The following LEF1 variants were observed in gnomAD, a reference collection of about 807,000 sequenced individuals.
The protein encoded by LEF1 is lymphoid enhancer-binding factor 1.
Under a neutral mutation model 51.2 loss-of-function variants are expected in LEF1, and 14 were observed. The ratio of observed to expected loss-of-function variants is 0.27; its 90% CI spans 0.18 to 0.43. LEF1 has a LOEUF of 0.43. LEF1 is among the 20% of genes least tolerant of loss of function. The probability of loss-of-function intolerance (pLI) is 1.00; values close to 1 mark genes in which losing one functional copy is unlikely to be tolerated. For missense variants in LEF1, 386 were observed against 512.0 expected (o/e 0.75, Z 2.37); for synonymous variants, 185 against 183.2 (o/e 1.01, Z -0.08).
At chr4:108,160,433 G>A (rs1744991859) in intron 3 of LEF1, among the ~76,000 whole-genome samples, 2 of 152,042 alleles carry the variant, frequency 1.3e-5, no homozygotes, top group African/African-American at 2.4e-5. Flanking sequence ...ACCAACTCAA[G>A]CCAAAGTTTA....
chr4:108,142,598 T>C (rs1024084895), intron 3 of LEF1, among the ~76,000 whole-genome samples: 7 of 152,220 alleles, frequency 4.6e-5, no homozygotes, highest in Non-Finnish European at 1.0e-4. Context: ...CATTATTACA[T>C]TTAAAATCAA....
At chr4:108,089,070 G>A in intron 4 of LEF1, 55 bp downstream of exon 4, 1 of 1,607,880 alleles carries the variant, frequency 6.2e-7, no homozygotes, top group African/African-American at 1.3e-5. Context: ...AGGCTGATGA[G>A]ATTTGGCTCT....
chr4:108,094,541 C>T (rs569799349), intron 3 of LEF1, among the ~76,000 whole-genome samples: 3 of 152,214 alleles, frequency 2.0e-5, no homozygotes, highest in Non-Finnish European at 4.4e-5. Context: ...CTGGGAAGAA[C>T]TAAAAAGGTG....
rs572857172 is a variant in LEF1, at chr4:108,078,489, G to A, written c.846-107C>T. On this transcript the variant is annotated intron_variant, in intron 7 of 11. Transcript: ENST00000265165. ...TGCTCACATGGCTACACTCAGGATG[G>A]CGACAACCCTCTCACCCCAGACCAC... 1.8e-3 allele frequency: 2,497 copies of A among 1,425,562 alleles called. 1 individual carries two copies. Among genetic ancestry groups the A allele is most frequent in the Admixed American group, 4.2e-3 (247 of 59,252 alleles). The allele number at this position is 1,425,562 out of a possible 1,614,324, so 88.3% of individuals were successfully genotyped here. A position where few individuals can be genotyped will look rare whatever the true frequency, so the allele number is the denominator to read the frequency against.
chr4:108,107,457 T>C (rs1370344499), intron 3 of LEF1, among the ~76,000 whole-genome samples: 1 of 152,122 alleles, frequency 6.6e-6, no homozygotes, highest in African/African-American at 2.4e-5. Flanking sequence ...CCAAAATTTT[T>C]ATCTAGAATA....
intron 11 of LEF1, among the ~76,000 whole-genome samples, chr4:108,053,449 CCCAGAAG>C (rs976578059): frequency 1.1e-4 from 17 of 152,160 alleles, no homozygotes; most frequent in African/African-American, 2.4e-4. Context: ...CAAAAAGATT[CCCAGAAG>C]CTGGAGGTGG....
chr4:108,147,259 TA>T (rs202246676), intron 3 of LEF1, among the ~76,000 whole-genome samples: 99 of 143,312 alleles, frequency 6.9e-4, no homozygotes, highest in Non-Finnish European at 7.1e-4. Context: ...AATAGAAGCC[TA>T]AAAAAAAAAA....
At chr4:108,131,192 T>C (rs1742866631) in intron 3 of LEF1, among the ~76,000 whole-genome samples, 2 of 152,038 alleles carry the variant, frequency 1.3e-5, no homozygotes, top group South Asian at 2.1e-4. Context: ...CCCAGTGCTC[T>C]GGAAGGCCAA....
At chr4:108,149,465 A>AC (rs1744219864) in intron 3 of LEF1, among the ~76,000 whole-genome samples, 1 of 148,434 alleles carries the variant, frequency 6.7e-6, no homozygotes, top group African/African-American at 2.5e-5. Context: ...TCTCAAAAAA[A>AC]AAAAAAAAAA....
chr4:108,047,835 A>C lies in LEF1; in HGVS notation c.*923T>G, dbSNP rs1370590356. The C allele has an allele frequency of 6.5e-6, 1 of 152,676 alleles. No individual in the cohort carries two copies. Among genetic ancestry groups the C allele is most frequent in the Non-Finnish European group, 1.5e-5 (1 of 68,050 alleles). The allele number at this position is 152,676 out of a possible 1,614,324, so 9.5% of individuals were successfully genotyped here. ...AGGAAAGAAATGAAAATTCACTGCAAACCAGTCTGCTGAACGCATCTGTTA... is the reference window on the plus strand; with the variant it reads ...AGGAAAGAAATGAAAATTCACTGCACACCAGTCTGCTGAACGCATCTGTTA... On this transcript the variant is annotated 3_prime_UTR_variant, in exon 12 of 12. Coordinates refer to ENST00000265165, the MANE Select transcript of LEF1 (RefSeq NM_016269.5).
chr4:108,077,691 G>A (rs1389985525), intron 8 of LEF1, among the ~76,000 whole-genome samples: 2 of 147,608 alleles, frequency 1.4e-5, no homozygotes, highest in African/African-American at 2.6e-5. Flanking sequence ...CGCAGCTGCC[G>A]CCCCATCTGG....
At chr4:108,106,330 T>C (rs1400629198) in intron 3 of LEF1, among the ~76,000 whole-genome samples, 1 of 151,954 alleles carries the variant, frequency 6.6e-6, no homozygotes, top group Non-Finnish European at 1.5e-5. Context: ...AAACCAGCCA[T>C]TAGGAGATGA....
intron 8 of LEF1, among the ~76,000 whole-genome samples, chr4:108,074,514 T>G (rs978409022): frequency 6.6e-5 from 10 of 152,230 alleles, no homozygotes; most frequent in African/African-American, 2.2e-4. Flanking sequence ...TTTAGAGATA[T>G]AGTAAAGATG....
chr4:108,057,105 G>A (rs1024509055), intron 11 of LEF1, among the ~76,000 whole-genome samples: 9 of 151,964 alleles, frequency 5.9e-5, no homozygotes, highest in Non-Finnish European at 1.3e-4. Context: ...CTTCCCAAGA[G>A]TTCTGAACCC....
chr4:108,104,601 C>A (rs912962880), intron 3 of LEF1: 4 of 806,226 alleles, frequency 5.0e-6, no homozygotes, highest in South Asian at 5.6e-5. Flanking sequence ...TAACCAGTGT[C>A]CAACCCACAG....
At chr4:108,063,813 G>A in intron 10 of LEF1, 150 bp from the exon 11 acceptor site, 1 of 551,016 alleles carries the variant, frequency 1.8e-6, no homozygotes. Flanking sequence ...ACAAGTAGTG[G>A]CCTTATTTTT....
At chr4:108,096,281 GAGCAGC>G (rs1207476305) in intron 3 of LEF1, among the ~76,000 whole-genome samples, 1 of 152,122 alleles carries the variant, frequency 6.6e-6, no homozygotes, top group Non-Finnish European at 1.5e-5. Flanking sequence ...GGAGGAGGAA[GAGCAGC>G]AGCAGTAGCA....
At chr4:108,150,182 C>T (rs1380603900) in intron 3 of LEF1, among the ~76,000 whole-genome samples, 2 of 152,204 alleles carry the variant, frequency 1.3e-5, no homozygotes, top group African/African-American at 4.8e-5. Flanking sequence ...GCACATACCA[C>T]ATTTTAATTG....
chr4:108,150,428 C>G (rs1005263303), intron 3 of LEF1, among the ~76,000 whole-genome samples: 13 of 152,084 alleles, frequency 8.5e-5, no homozygotes, highest in African/African-American at 2.9e-4. Flanking sequence ...CTGATATACC[C>G]CAGGAAGCAA....
Sources: gnomAD v4.1 joint callset for allele counts (sites outside exome capture counted in the v4.1 genomes callset) on GRCh38, gnomAD v4.1.1 for gene constraint, MANE v1.5 for transcripts, NCBI Gene and HGNC (gene_info 2026-07-23, HGNC 2026-07-21) for gene names.